The following NOS1 variants were observed in gnomAD, a reference collection of about 807,000 sequenced individuals.
NOS1 encodes nitric oxide synthase 1, also known as NOS type I.
In NOS1, 51 loss-of-function variants were observed where a neutral mutation model predicts 164.5. The observed-to-expected ratio is 0.31, with a 90% CI of 0.25 to 0.39. The LOEUF (loss-of-function observed/expected upper bound fraction) is 0.39. Among genes scored for constraint, NOS1 ranks in the 10% least tolerant of loss-of-function variants. The pLI is 1.00. For synonymous variants in NOS1, 719 were observed against 745.8 expected (o/e 0.96, Z 0.59); for missense variants, 1,362 against 1,885.6 (o/e 0.72, Z 5.14).
intron 11 of NOS1, 84 bp downstream of exon 11, chr12:117,267,959 T>A: frequency 2.1e-6 from 2 of 955,970 alleles, no homozygotes; most frequent in Admixed American, 4.2e-5. Flanking sequence ...GGCAGTGAGG[T>A]CTCTTGATCC....
At chr12:117,237,821 A>G (rs1869847020) in intron 20 of NOS1, among the ~76,000 whole-genome samples, 1 of 152,082 alleles carries the variant, frequency 6.6e-6, no homozygotes, top group Non-Finnish European at 1.5e-5. Flanking sequence ...GAGAGAGGGG[A>G]AGGACAGCAA....
chr12:117,222,745 C>T lies in NOS1; in HGVS notation c.3945G>A (p.Thr1315=), dbSNP rs763116167. 8.7e-6 allele frequency: 14 copies of T among 1,613,598 alleles called. No individual in the cohort carries two copies. Among genetic ancestry groups the T allele is most frequent in the African/African-American group, 2.7e-5 (2 of 74,792 alleles). Residue 1315 remains threonine (T), a synonymous_variant, in exon 26 of 29, where the codon ACG becomes ACA. Transcript: ENST00000317775. ...GTTTGTCTGGCTCCCGGGAGTAAGC[C>T]GTGTACAGCTCTCTGAAGACCCCCT... ...KNKGVFRELY[T]AYSREPDKPK... is the part of the protein sequence containing the mutation.
chr12:117,337,104 CTCTTTTTTT>C (rs1260761694), intron 1 of NOS1, among the ~76,000 whole-genome samples: 12 of 94,122 alleles, frequency 1.3e-4, no homozygotes, highest in African/African-American at 3.9e-4. Context: ...CTGCTTTTTA[CTCTTTTTTT>C]TTTTTTTTTT....
rs546067728 is a variant in NOS1 at position 117,209,410 on chromosome 12, T to C, written c.*5899A>G. 5 of 985,490 alleles carry C rather than the reference T, an allele frequency of 5.1e-6. No homozygotes were observed. The African/African-American group carries it at 7.0e-5, about 14-fold the overall frequency. The allele number at this position is 985,490 out of a possible 1,614,324, so 61.0% of individuals were successfully genotyped here. On this transcript the variant is annotated 3_prime_UTR_variant, in exon 29 of 29. Coordinates refer to ENST00000317775, the MANE Select transcript of NOS1 (RefSeq NM_000620.5). ...CAATAGTGCTAAGGTTGACAGACCC[T>C]GCGCTACAGTCTCCTAGAACTTAGG...
rs189691859 is a variant in NOS1, at chr12:117,266,748, G to A, written c.1942-1238C>T. Among the ~76,000 whole-genome samples, 314 of 152,162 alleles carry A rather than the reference G, an allele frequency of 2.1e-3. 2 individuals are homozygous for A. Among genetic ancestry groups the A allele is most frequent in the African/African-American group, 7.3e-3 (302 of 41,506 alleles). ...GAGATGGGCTTCACCATGTTGGCCA[G>A]GCTGCTCTTGAACTCCTGACCTCAA... is the stretch of plus-strand genomic sequence containing the variant. On this transcript the variant is annotated intron_variant, in intron 11 of 28. Coordinates refer to ENST00000317775, the MANE Select transcript of NOS1 (RefSeq NM_000620.5).
At position 117,272,011 on chromosome 12, in the gene NOS1, G is replaced by A. The variant is rs1380865018; in HGVS notation, c.1839+374C>T. Among the ~76,000 whole-genome samples the A allele has an allele frequency of 6.6e-6, 1 of 152,126 alleles. No homozygotes were observed. Among genetic ancestry groups the A allele is most frequent in the Non-Finnish European group, 1.5e-5 (1 of 68,024 alleles). On this transcript the variant is annotated intron_variant, in intron 10 of 28. Transcript: ENST00000317775. The surrounding 1 kb of genome is among the most constrained non-coding windows in gnomAD (Gnocchi z 4.3). ...AGCGGAGTGGAGTGGTAATGAACTT[G>A]GAGCATGAAGTCAAACCAGACACAT...
intron 1 of NOS1, among the ~76,000 whole-genome samples, chr12:117,342,521 G>C (rs16947488): frequency 0.013 from 1,955 of 152,232 alleles, 45 homozygotes; most frequent in African/African-American, 0.044. Context: ...ACCAGCGTGT[G>C]AGAAGGCACT....
intron 8 of NOS1, among the ~76,000 whole-genome samples, chr12:117,279,383 A>C (rs80152820): frequency 4.9e-3 from 343 of 69,728 alleles, no homozygotes; most frequent in Non-Finnish European, 9.8e-3. Context: ...ACAAAAAAAA[A>C]ACCAAAAAAA....
intron 3 of NOS1, among the ~76,000 whole-genome samples, chr12:117,309,985 C>T (rs916299898): frequency 2.0e-5 from 3 of 152,218 alleles, no homozygotes; most frequent in African/African-American, 7.2e-5. Context: ...CAGCTCACTG[C>T]AGCCTTGACC....
chr12:117,294,416 C>A (rs570808752), intron 3 of NOS1, among the ~76,000 whole-genome samples: 1 of 152,236 alleles, frequency 6.6e-6, no homozygotes, highest in South Asian at 2.1e-4. Context: ...GTGGTCGTTA[C>A]GAGTCAAGTA....
At chr12:117,217,955 C>A in intron 28 of NOS1, 91 bp downstream of exon 28, 2 of 920,096 alleles carry the variant, frequency 2.2e-6, no homozygotes, top group South Asian at 1.4e-5. Flanking sequence ...GTTTTGGGGA[C>A]CCTGCCGTGG....
intron 3 of NOS1, among the ~76,000 whole-genome samples, chr12:117,303,611 C>T (rs1490453776): frequency 1.3e-5 from 2 of 152,112 alleles, no homozygotes; most frequent in African/African-American, 4.8e-5. Context: ...CGGCCCCGTC[C>T]CCACTCGAAC....
chr12:117,358,441 G>A (rs150341775), intron 1 of NOS1, among the ~76,000 whole-genome samples: 34 of 152,306 alleles, frequency 2.2e-4, no homozygotes, highest in Middle Eastern at 3.4e-3. Flanking sequence ...GGCAAAAAGC[G>A]GGCTGCTCTG....
Position 117,234,679 on chromosome 12 carries a change from A to G in NOS1, c.3121T>C (p.Phe1041Leu). Residue 1041 changes from phenylalanine (F) to leucine (L), a missense_variant, in exon 21 of 29, where the codon TTC (phenylalanine) becomes CTC (leucine). By Grantham distance (22) the Phe-to-Leu change is conservative. Coordinates refer to ENST00000317775, the MANE Select transcript of NOS1 (RefSeq NM_000620.5). The surrounding 1 kb of genome is among the most constrained non-coding windows in gnomAD (Gnocchi z 4.3). ...ACGAGGTCCTCGTGGTTGCCAGGGA[A>G]GACACCCAGGTGGTCCCCAGGCTGG... ...QYQPGDHLGVFPGNHEDLVNA... is the reference protein window; with the variant it reads ...QYQPGDHLGVLPGNHEDLVNA... 1 of 1,614,178 alleles carries G rather than the reference A, an allele frequency of 6.2e-7. No individual in the cohort carries two copies. Among genetic ancestry groups the G allele is most frequent in the Non-Finnish European group, 8.5e-7 (1 of 1,180,020 alleles).
chr12:117,231,456 G>C (rs993687786), intron 22 of NOS1, among the ~76,000 whole-genome samples: 1 of 152,090 alleles, frequency 6.6e-6, no homozygotes, highest in Non-Finnish European at 1.5e-5. Context: ...AATGATGAAT[G>C]CTTGAGGGGA....
intron 9 of NOS1, among the ~76,000 whole-genome samples, chr12:117,277,446 A>G (rs1318150646): frequency 6.6e-6 from 1 of 151,520 alleles, no homozygotes; most frequent in Non-Finnish European, 1.5e-5. Context: ...TTGGCCAAGC[A>G]TGGTGGTGTG....
chr12:117,278,303 C>T (rs1285956159), intron 8 of NOS1, among the ~76,000 whole-genome samples: 2 of 152,172 alleles, frequency 1.3e-5, no homozygotes. Context: ...AAAGTAATTG[C>T]GGGTTTTGCC....
chr12:117,259,427 C>T (rs1871711152), intron 14 of NOS1, among the ~76,000 whole-genome samples: 1 of 152,150 alleles, frequency 6.6e-6, no homozygotes. Flanking sequence ...TTGGCAGATA[C>T]TAGAAACACA....
chr12:117,244,533 C>G (rs1470453398), intron 18 of NOS1, among the ~76,000 whole-genome samples: 1 of 152,168 alleles, frequency 6.6e-6, no homozygotes, highest in East Asian at 1.9e-4. Context: ...GTCACCATGC[C>G]CAGCCAATGT....
Sources: gnomAD v4.1 joint callset for allele counts (sites outside exome capture counted in the v4.1 genomes callset) on GRCh38, gnomAD v4.1.1 for gene constraint, Gnocchi (gnomAD v3.1) non-coding constraint, MANE v1.5 for transcripts, NCBI Gene and HGNC (gene_info 2026-07-23, HGNC 2026-07-21) for gene names.